Variants in RIMS1 observed in about 807,000 individuals in gnomAD.
RIMS1 encodes the protein regulating synaptic membrane exocytosis 1.
Under a neutral mutation model 214.1 loss-of-function variants are expected in RIMS1, and 83 were observed. That is an observed-to-expected ratio of 0.39 (90% CI 0.32 to 0.47). The LOEUF (loss-of-function observed/expected upper bound fraction) is 0.47. RIMS1 is among the 20% of genes least tolerant of loss of function. The pLI, the probability that RIMS1 is intolerant of heterozygous loss-of-function variation, is 0.99. For synonymous variants in RIMS1, 793 were observed against 786.8 expected (o/e 1.01, Z -0.13); for missense variants, 2,050 against 2,161.8 (o/e 0.95, Z 1.03).
In RIMS1 at chr6:72,162,085, C is replaced by T. The variant is rs191289053; in HGVS notation, c.472-17490C>T. Among the ~76,000 whole-genome samples the T allele has an allele frequency of 7.1e-5, 10 of 140,556 alleles. 2 individuals carry two copies. The highest frequency in any genetic ancestry group is 1.4e-4 in the Admixed American group (2 of 13,804). The allele number at this position is 140,556 out of a possible 152,430, so 92.2% of individuals were successfully genotyped here. On this transcript the variant is annotated intron_variant, in intron 4 of 33. Transcript: ENST00000521978. ...TCTGGGTGCTCCTGTATTGGGTGCACATATATTTAGGATAGTTAGCTCTTC... is the reference window on the plus strand; with the variant it reads ...TCTGGGTGCTCCTGTATTGGGTGCATATATATTTAGGATAGTTAGCTCTTC...
chr6:72,261,450 T>A (rs921388474), intron 19 of RIMS1: 16 of 982,328 alleles, frequency 1.6e-5, no homozygotes, highest in African/African-American at 7.0e-5. Flanking sequence ...TAGAGCCTGA[T>A]GCTTTATGTT....
At chr6:72,312,865 G>A (rs2095581801) in intron 27 of RIMS1, among the ~76,000 whole-genome samples, 1 of 152,122 alleles carries the variant, frequency 6.6e-6, no homozygotes, top group Admixed American at 6.5e-5. Context: ...CTATATACAG[G>A]TGGAAGCAGT....
intron 19 of RIMS1, chr6:72,263,828 C>T: frequency 2.3e-6 from 1 of 430,012 alleles, no homozygotes; most frequent in Admixed American, 6.5e-5. Context: ...CACACACACA[C>T]ACACACACAC....
At chr6:72,241,016 CA>C (rs1213034745) in intron 9 of RIMS1, among the ~76,000 whole-genome samples, 1 of 151,298 alleles carries the variant, frequency 6.6e-6, no homozygotes, top group African/African-American at 2.4e-5. Flanking sequence ...AACTCCATCT[CA>C]AAAAAAAGAA....
In RIMS1 at chr6:71,948,053, A is replaced by G. The variant is rs1344444426; in HGVS notation, c.165-20930A>G. On this transcript the variant is annotated intron_variant, in intron 1 of 33. Transcript: ENST00000521978. Reference sequence around the variant, plus strand: ...AGGTGGATAAATGAATGTGTTCAAGATACTGAAGTAATGGGATTAATTTCA... The same window carrying G: ...AGGTGGATAAATGAATGTGTTCAAGGTACTGAAGTAATGGGATTAATTTCA... 3.9e-5 allele frequency among the ~76,000 whole-genome samples: 6 copies of G among 152,296 alleles called. No individual in the cohort carries two copies. In the East Asian group the frequency reaches 1.2e-3, roughly 29 times the overall value.
chr6:71,980,006 A>G (rs73750307), intron 2 of RIMS1, among the ~76,000 whole-genome samples: 111 of 152,220 alleles, frequency 7.3e-4, no homozygotes, highest in African/African-American at 2.6e-3. Flanking sequence ...AATATTGGCA[A>G]TATTATTATT....
At position 72,366,160 on chromosome 6, in the gene RIMS1, C is replaced by T. The variant is rs553320801; in HGVS notation, c.4367-24438C>T. ...ATTTCCAGTGTTCTAGTGTTTTTCTCGTGGCAGTAGGGTGGGACGTGAAAC... is the reference window on the plus strand; with the variant it reads ...ATTTCCAGTGTTCTAGTGTTTTTCTTGTGGCAGTAGGGTGGGACGTGAAAC... On this transcript the variant is annotated intron_variant, in intron 29 of 33. Coordinates refer to ENST00000521978, the MANE Select transcript of RIMS1 (RefSeq NM_014989.7). 2.6e-5 allele frequency among the ~76,000 whole-genome samples: 4 copies of T among 152,174 alleles called. No individual in the cohort carries two copies. In the South Asian group the frequency reaches 8.3e-4, roughly 32 times the overall value.
intron 2 of RIMS1, among the ~76,000 whole-genome samples, chr6:72,045,995 G>A (rs1822907718): frequency 6.6e-6 from 1 of 151,524 alleles, no homozygotes; most frequent in African/African-American, 2.4e-5. Context: ...CCCTTACAGT[G>A]TGTGTGTCTT....
intron 4 of RIMS1, among the ~76,000 whole-genome samples, chr6:72,124,171 G>A (rs2039027656): frequency 6.6e-6 from 1 of 151,818 alleles, no homozygotes; most frequent in Non-Finnish European, 1.5e-5. Flanking sequence ...AGGCCTGGTG[G>A]TGACAAAATC....
chr6:72,364,048 T>C (rs1391431993), intron 29 of RIMS1, among the ~76,000 whole-genome samples: 1 of 152,240 alleles, frequency 6.6e-6, no homozygotes, highest in Non-Finnish European at 1.5e-5. Context: ...ATGAGTCACC[T>C]GGCACCAACT....
chr6:72,303,879 T>C (rs2094889053), intron 26 of RIMS1, among the ~76,000 whole-genome samples: 1 of 151,598 alleles, frequency 6.6e-6, no homozygotes, highest in African/African-American at 2.4e-5. Flanking sequence ...TATAAAATTG[T>C]AATATTACAT....
chr6:72,105,977 G>C (rs187616342), intron 4 of RIMS1, among the ~76,000 whole-genome samples: 132 of 152,150 alleles, frequency 8.7e-4, no homozygotes, highest in South Asian at 6.0e-3. Flanking sequence ...TAGTTTTGCA[G>C]TTACTTTAAA....
At chr6:71,992,126 A>G (rs1274467404) in intron 2 of RIMS1, among the ~76,000 whole-genome samples, 1 of 152,184 alleles carries the variant, frequency 6.6e-6, no homozygotes, top group East Asian at 1.9e-4. Flanking sequence ...TTTTAGAGCT[A>G]AAAGAGGTTG....
intron 1 of RIMS1, among the ~76,000 whole-genome samples, chr6:71,919,138 T>C (rs1168000547): frequency 2.0e-5 from 3 of 152,090 alleles, no homozygotes; most frequent in Non-Finnish European, 4.4e-5. Flanking sequence ...TTAGGAGGTA[T>C]TAAAATAGCA....
chr6:72,101,203 A>G (rs530635468), intron 4 of RIMS1, among the ~76,000 whole-genome samples: 8 of 152,114 alleles, frequency 5.3e-5, no homozygotes, highest in Non-Finnish European at 1.0e-4. Context: ...AGCGTTACCC[A>G]TAATGGTAGG....
intron 1 of RIMS1, among the ~76,000 whole-genome samples, chr6:71,908,802 C>T (rs1776051191): frequency 6.6e-6 from 1 of 152,082 alleles, no homozygotes; most frequent in Middle Eastern, 3.2e-3. Context: ...TACAGTGTTT[C>T]TCCTACCACC....
At chr6:72,218,372 G>C (rs1208277417) in intron 6 of RIMS1, among the ~76,000 whole-genome samples, 2 of 152,150 alleles carry the variant, frequency 1.3e-5, no homozygotes, top group Admixed American at 1.3e-4. Context: ...GCTGAAGAGA[G>C]CTCCTGCCTT....
rs530489694 is a variant in RIMS1 at position 72,089,451 on chromosome 6, T to C, written c.246-7498T>C. 3.2e-4 allele frequency among the ~76,000 whole-genome samples: 48 copies of C among 152,156 alleles called. 3 individuals carry two copies. In the East Asian group the frequency reaches 8.4e-3, roughly 26 times the overall value. On this transcript the variant is annotated intron_variant, in intron 2 of 33. Transcript: ENST00000521978. ...TGAGGAATTTGGTATTTTTGTTTTGTTTTGTTTTTTGTATTAGACAGGGTC... is the reference window on the plus strand; with the variant it reads ...TGAGGAATTTGGTATTTTTGTTTTGCTTTGTTTTTTGTATTAGACAGGGTC...
chr6:72,196,602 T>TTTTTTTTTTTTTTTTG (rs1238872780), intron 6 of RIMS1, among the ~76,000 whole-genome samples: 1 of 141,888 alleles, frequency 7.0e-6, no homozygotes, highest in Non-Finnish European at 1.6e-5. Flanking sequence ...TTTTTTTTTT[T>TTTTTTTTTTTTTTTTG]TACCTATACA....
Sources: allele counts gnomAD v4.1 joint callset (sites outside exome capture counted in the v4.1 genomes callset), GRCh38; gene constraint gnomAD v4.1.1; transcripts MANE v1.5; gene names NCBI Gene and HGNC (gene_info 2026-07-23, HGNC 2026-07-21).